MYT1L: variants seen among roughly 807,000 people sequenced by gnomAD.
MYT1L encodes myelin transcription factor 1-like protein.
Under a neutral mutation model 126.7 loss-of-function variants are expected in MYT1L, and 12 were observed. The ratio of observed to expected loss-of-function variants is 0.09; its 90% CI spans 0.06 to 0.15. MYT1L has a LOEUF of 0.15. Ranked by LOEUF, MYT1L falls within the 10% of genes least tolerant of loss-of-function variation. The probability of loss-of-function intolerance (pLI) is 1.00; values close to 1 mark genes in which losing one functional copy is unlikely to be tolerated. For synonymous variants in MYT1L, 541 were observed against 604.2 expected, an observed-to-expected ratio of 0.90 and a Z score of 1.53; for missense variants, 979 against 1,585.2, an observed-to-expected ratio of 0.62 and a Z score of 6.49.
chr2:1,948,945 G>C (rs1423532957), intron 8 of MYT1L, among the ~76,000 whole-genome samples: 3 of 141,286 alleles, frequency 2.1e-5, no homozygotes, highest in African/African-American at 8.1e-5. Context: ...ATATCTTTAG[G>C]ATATTTTTAG....
At chr2:1,839,583 G>C (rs1407255172) in intron 20 of MYT1L, among the ~76,000 whole-genome samples, 1 of 152,222 alleles carries the variant, frequency 6.6e-6, no homozygotes, top group Non-Finnish European at 1.5e-5. Context: ...CAGAAGGCCT[G>C]ACCCATTGCA....
At chr2:1,923,958 C>A (rs1341920226) in intron 9 of MYT1L, among the ~76,000 whole-genome samples, 1 of 152,198 alleles carries the variant, frequency 6.6e-6, no homozygotes, top group Non-Finnish European at 1.5e-5. Context: ...CTGTCTGTGT[C>A]TCCACAGGTT....
At chr2:2,296,166 G>A (rs1352899302) in intron 1 of MYT1L, among the ~76,000 whole-genome samples, 4 of 152,328 alleles carry the variant, frequency 2.6e-5, no homozygotes, top group Non-Finnish European at 4.4e-5. Flanking sequence ...TGGTTGAGAA[G>A]CTTTGCTATA....
intron 9 of MYT1L, among the ~76,000 whole-genome samples, chr2:1,937,771 C>T (rs547830612): frequency 9.2e-5 from 14 of 152,312 alleles, no homozygotes; most frequent in African/African-American, 2.6e-4. Context: ...CTAATGTCCG[C>T]GGCCATCAGA....
At chr2:1,918,654 T>C (rs2053174746) in intron 10 of MYT1L, among the ~76,000 whole-genome samples, 1 of 152,244 alleles carries the variant, frequency 6.6e-6, no homozygotes, top group African/African-American at 2.4e-5. Flanking sequence ...TCCCCTTTTC[T>C]TTTTTAGCTA....
intron 3 of MYT1L, among the ~76,000 whole-genome samples, chr2:2,143,964 G>GGGGA (rs2084458818): frequency 6.6e-6 from 1 of 151,722 alleles, no homozygotes; most frequent in Non-Finnish European, 1.5e-5. Context: ...ACTATTAGAG[G>GGGGA]GGGAGGGAGG....
At chr2:1,871,481 C>A (rs562683140) in intron 18 of MYT1L, among the ~76,000 whole-genome samples, 1 of 152,236 alleles carries the variant, frequency 6.6e-6, no homozygotes, top group East Asian at 1.9e-4. Flanking sequence ...CCCTGTGGGA[C>A]CCCACATGAG....
At chr2:1,855,115 A>G (rs1167029667) in intron 18 of MYT1L, among the ~76,000 whole-genome samples, 1 of 152,210 alleles carries the variant, frequency 6.6e-6, no homozygotes, top group African/African-American at 2.4e-5. Flanking sequence ...GCTCTTTAAA[A>G]ACTCATAGAT....
At chr2:1,939,121 C>A (rs758938729) in intron 9 of MYT1L, among the ~76,000 whole-genome samples, 3 of 152,240 alleles carry the variant, frequency 2.0e-5, no homozygotes, top group Non-Finnish European at 4.4e-5. Flanking sequence ...TCCGTCACGA[C>A]GCCCTGGTTT....
intron 3 of MYT1L, among the ~76,000 whole-genome samples, chr2:2,103,879 T>A (rs2078418232): frequency 6.6e-6 from 1 of 152,248 alleles, no homozygotes; most frequent in African/African-American, 2.4e-5. Flanking sequence ...ACAGAGCAGA[T>A]GCTGTGAGTA....
At chr2:2,118,576 C>G (rs1435494706) in intron 3 of MYT1L, among the ~76,000 whole-genome samples, 1 of 152,126 alleles carries the variant, frequency 6.6e-6, no homozygotes, top group African/African-American at 2.4e-5. Flanking sequence ...TGTGGTTATG[C>G]CTTGTGCTTG....
chr2:1,809,301 A>C, intron 21 of MYT1L, 134 bp from the exon 22 acceptor site: 1 of 798,030 alleles, frequency 1.3e-6, no homozygotes, highest in Non-Finnish European at 2.2e-6. Context: ...AAATGAGAAA[A>C]AGCAAAAAGA....
chr2:2,211,394 T>A (rs1292081797), intron 2 of MYT1L, among the ~76,000 whole-genome samples: 2 of 152,204 alleles, frequency 1.3e-5, no homozygotes, highest in African/African-American at 4.8e-5. Flanking sequence ...TGAAGCATGA[T>A]CTTCATGTAT....
chr2:2,128,164 T>G (rs193262908), intron 3 of MYT1L, among the ~76,000 whole-genome samples: 9 of 152,338 alleles, frequency 5.9e-5, no homozygotes, highest in Middle Eastern at 3.4e-3. Flanking sequence ...TTTATTTTTT[T>G]GGGCATCAGA....
At chr2:1,846,773 T>C (rs1270789471) in intron 19 of MYT1L, among the ~76,000 whole-genome samples, 4 of 152,164 alleles carry the variant, frequency 2.6e-5, no homozygotes, top group African/African-American at 7.2e-5. Flanking sequence ...CTCCGGACCC[T>C]CTGACTAAAC....
At chr2:1,859,031 C>T (rs4297916) in intron 18 of MYT1L, among the ~76,000 whole-genome samples, 27,530 of 152,124 alleles carry the variant, frequency 0.18, 3,515 homozygotes, top group African/African-American at 0.37. Context: ...ACCCTGACAG[C>T]CTGGGGGAGG....
intron 9 of MYT1L, among the ~76,000 whole-genome samples, chr2:1,936,836 T>C (rs1414133159): frequency 6.6e-6 from 1 of 152,120 alleles, no homozygotes; most frequent in Non-Finnish European, 1.5e-5. Context: ...TGTCCTCCTG[T>C]GAAAACTCAA....
Position 2,026,945 on chromosome 2 carries a change from C to T in MYT1L, c.-158+27033G>A, listed in dbSNP as rs141451453. ...TTTCTCTGAGTGTGGGGCCCCGTCA[C>T]GACCAGCGGAGCCCACAGGACAAAG... On this transcript the variant is annotated intron_variant, in intron 4 of 24. Transcript: ENST00000647738. Among the ~76,000 whole-genome samples the T allele has an allele frequency of 6.9e-3, 1,044 of 152,220 alleles. 6 individuals carry two copies. The highest frequency in any genetic ancestry group is 0.029 in the South Asian group (142 of 4,824).
intron 2 of MYT1L, among the ~76,000 whole-genome samples, chr2:2,229,893 A>T (rs1420406730): frequency 6.6e-6 from 1 of 152,178 alleles, no homozygotes. Flanking sequence ...AGAAAACCAC[A>T]TTTACAATTT....
Sources: allele counts gnomAD v4.1 joint callset (sites outside exome capture counted in the v4.1 genomes callset), GRCh38; gene constraint gnomAD v4.1.1; transcripts MANE v1.5; gene names NCBI Gene and HGNC (gene_info 2026-07-23, HGNC 2026-07-21).